Variants in GAB2 observed in about 807,000 individuals in gnomAD.
GAB2 encodes the protein GRB2-associated-binding protein 2.
A neutral mutation model predicts 65.5 loss-of-function variants in GAB2; 26 were observed. The ratio of observed to expected loss-of-function variants is 0.40; its 90% confidence interval spans 0.29 to 0.55. The LOEUF (loss-of-function observed/expected upper bound fraction) is 0.55. Among genes scored for constraint, GAB2 ranks in the 20% least tolerant of loss-of-function variants. GAB2 has a pLI of 0.53. For missense variants in GAB2, 884 were observed against 875.8 expected, an observed-to-expected ratio of 1.01 and a Z score of -0.12; for synonymous variants, 321 against 329.6, an observed-to-expected ratio of 0.97 and a Z score of 0.28.
rs1282824450 is a variant in GAB2, at chr11:78,356,070, G to A, written c.75+61576C>T. On this transcript the variant is annotated intron_variant, in intron 1 of 9. Transcript: ENST00000361507. ...TGCCTGTAATCCCAGCTACTCAGGA[G>A]GCTGAAGCAGGAGAATCACTGGAAC... Among the ~76,000 whole-genome samples the A allele has an allele frequency of 3.3e-5, 5 of 152,040 alleles. No homozygotes were observed. The South Asian group carries it at 8.3e-4, about 25-fold the overall frequency.
chr11:78,298,101 T>G (rs192386921), intron 1 of GAB2, among the ~76,000 whole-genome samples: 1 of 152,296 alleles, frequency 6.6e-6, no homozygotes, highest in African/African-American at 2.4e-5. Flanking sequence ...CTATAATAAT[T>G]GCATTGAAGT....
chr11:78,253,789 C>G (rs1346237286), intron 2 of GAB2, among the ~76,000 whole-genome samples: 1 of 152,128 alleles, frequency 6.6e-6, no homozygotes, highest in Non-Finnish European at 1.5e-5. Flanking sequence ...TGACAAAATT[C>G]AATAAATACG....
intron 2 of GAB2, among the ~76,000 whole-genome samples, chr11:78,253,183 G>A (rs1373243038): frequency 6.6e-6 from 1 of 151,678 alleles, no homozygotes; most frequent in Non-Finnish European, 1.5e-5. Flanking sequence ...GCTAATTTTT[G>A]TATTTTTAGT....
intron 1 of GAB2, among the ~76,000 whole-genome samples, chr11:78,381,136 T>C (rs898591713): frequency 6.6e-6 from 1 of 152,194 alleles, no homozygotes; most frequent in Non-Finnish European, 1.5e-5. Context: ...TACACATTAT[T>C]CCTTGAAGAT....
At chr11:78,281,615 C>T (rs1035989860) in intron 1 of GAB2, among the ~76,000 whole-genome samples, 1 of 152,146 alleles carries the variant, frequency 6.6e-6, no homozygotes, top group Non-Finnish European at 1.5e-5. Context: ...CCTGCAGGTG[C>T]CACATGACCT....
At chr11:78,233,543 A>C (rs187533026) in intron 3 of GAB2, among the ~76,000 whole-genome samples, 1 of 152,244 alleles carries the variant, frequency 6.6e-6, no homozygotes, top group Admixed American at 6.5e-5. Context: ...GAAGTTCTTT[A>C]TATGGACCAC....
chr11:78,320,197 C>A (rs1209301731), intron 1 of GAB2, among the ~76,000 whole-genome samples: 1 of 152,048 alleles, frequency 6.6e-6, no homozygotes, highest in African/African-American at 2.4e-5. Context: ...TTTTGAAAAA[C>A]AATTTTATTT....
At chr11:78,415,824 T>G (rs1336813090) in intron 1 of GAB2, among the ~76,000 whole-genome samples, 1 of 152,070 alleles carries the variant, frequency 6.6e-6, no homozygotes, top group African/African-American at 2.4e-5. Flanking sequence ...TGGGTGAGAG[T>G]TCAAGGAGCG....
rs532593894 is a variant in GAB2, at chr11:78,376,435, G to C, written c.75+41211C>G. 5.3e-5 allele frequency among the ~76,000 whole-genome samples: 8 copies of C among 152,294 alleles called. No homozygotes were observed. In the East Asian group the frequency reaches 1.5e-3, roughly 29 times the overall value. ...CCCTATGAGATAGGTTCCATCATTA[G>C]CCTCACTTTAAGGATGAAAAAATTG... is the stretch of plus-strand genomic sequence containing the variant. On this transcript the variant is annotated intron_variant, in intron 1 of 9. Transcript: ENST00000361507.
At chr11:78,337,421 A>T (rs1003478590) in intron 1 of GAB2, among the ~76,000 whole-genome samples, 6 of 152,198 alleles carry the variant, frequency 3.9e-5, no homozygotes, top group African/African-American at 1.4e-4. Flanking sequence ...GTAAGGCAGA[A>T]TTCCCCACAG....
At chr11:78,265,068 T>C (rs1312225744) in intron 2 of GAB2, among the ~76,000 whole-genome samples, 3 of 152,108 alleles carry the variant, frequency 2.0e-5, no homozygotes, top group African/African-American at 7.2e-5. Flanking sequence ...ATTTCTATTT[T>C]ACTGATGCAG....
At chr11:78,270,396 C>T (rs1016536804) in intron 2 of GAB2, among the ~76,000 whole-genome samples, 1 of 152,018 alleles carries the variant, frequency 6.6e-6, no homozygotes, top group Non-Finnish European at 1.5e-5. Flanking sequence ...TCCTCCTCTT[C>T]CTTCTTGCTG....
intron 2 of GAB2, among the ~76,000 whole-genome samples, chr11:78,274,861 G>A (rs1422317957): frequency 1.3e-5 from 2 of 152,136 alleles, no homozygotes. Flanking sequence ...TATATTCCAG[G>A]AGAACAGGGA....
intron 3 of GAB2, among the ~76,000 whole-genome samples, chr11:78,249,494 C>T (rs765503699): frequency 6.6e-5 from 10 of 152,208 alleles, no homozygotes; most frequent in Non-Finnish European, 1.2e-4. Context: ...AATACATTTA[C>T]AGGTTCTGCA....
chr11:78,284,718 G>C (rs1418288797), intron 1 of GAB2, among the ~76,000 whole-genome samples: 1 of 151,284 alleles, frequency 6.6e-6, no homozygotes, highest in Non-Finnish European at 1.5e-5. Flanking sequence ...CTGCTTTACT[G>C]GTCTCACAAA....
intron 1 of GAB2, among the ~76,000 whole-genome samples, chr11:78,411,339 T>G (rs890340163): frequency 6.6e-6 from 1 of 152,214 alleles, no homozygotes; most frequent in African/African-American, 2.4e-5. Context: ...TTCTTTTTTT[T>G]GCATAAACAA....
chr11:78,310,513 CAAAAA>C (rs11285625), intron 1 of GAB2, among the ~76,000 whole-genome samples: 1 of 74,742 alleles, frequency 1.3e-5, no homozygotes. Context: ...GACTCTGTCT[CAAAAA>C]AAAAAAAAAA....
intron 3 of GAB2, among the ~76,000 whole-genome samples, chr11:78,234,438 T>G (rs960484365): frequency 6.6e-6 from 1 of 152,142 alleles, no homozygotes; most frequent in Non-Finnish European, 1.5e-5. Context: ...TTTTAATTTT[T>G]GGGTGAGTGG....
chr11:78,239,398 T>G (rs968146447), intron 3 of GAB2, among the ~76,000 whole-genome samples: 2 of 152,000 alleles, frequency 1.3e-5, no homozygotes, highest in Non-Finnish European at 2.9e-5. Context: ...TTTTTGTATT[T>G]TTAGTAGAGA....
Sources: gnomAD v4.1 joint callset for allele counts (sites outside exome capture counted in the v4.1 genomes callset) on GRCh38, gnomAD v4.1.1 for gene constraint, MANE v1.5 for transcripts, NCBI Gene and HGNC (gene_info 2026-07-23, HGNC 2026-07-21) for gene names.